GET4: variants seen among roughly 807,000 people sequenced by gnomAD.
GET4 encodes guided entry of tail-anchored proteins factor 4.
In GET4, 20 loss-of-function variants were observed where a neutral mutation model predicts 40.0. That is an observed-to-expected ratio of 0.50 (90% CI 0.35 to 0.73). GET4 has a LOEUF of 0.73. GET4 is among the 30% of genes least tolerant of loss of function. The pLI, the probability that GET4 is intolerant of heterozygous loss-of-function variation, is 0.01. For synonymous variants in GET4, 280 were observed against 194.6 expected, an observed-to-expected ratio of 1.44 and a Z score of -3.65; for missense variants, 557 against 454.0, an observed-to-expected ratio of 1.23 and a Z score of -2.06.
chr7:894,162 G>A (rs1253722438), intron 8 of GET4, among the ~76,000 whole-genome samples, 191 bp downstream of exon 8: 3 of 151,156 alleles, frequency 2.0e-5, no homozygotes, highest in Non-Finnish European at 2.9e-5. Context: ...ACGGTGGCTC[G>A]CAGCCCCGTC....
At chr7:884,816 C>T (rs1444947820) in intron 1 of GET4, 1 of 156,874 alleles carries the variant, frequency 6.4e-6, no homozygotes, top group African/African-American at 2.4e-5. Flanking sequence ...GATGGCGCCT[C>T]GCTCTGTCAT....
At chr7:884,325 G>T in intron 1 of GET4, 1 of 1,304,036 alleles carries the variant, frequency 7.7e-7, no homozygotes, top group Non-Finnish European at 1.0e-6. Flanking sequence ...TCATGTCCCT[G>T]CAGGACTGGA....
intron 1 of GET4, chr7:878,359 G>A: frequency 2.1e-6 from 1 of 471,110 alleles, no homozygotes; most frequent in South Asian, 1.5e-5. Flanking sequence ...ATGCATATCA[G>A]ATTATCTCTT....
At position 893,776 on chromosome 7, in the gene GET4, G is replaced by A. The variant is rs1442059238; in HGVS notation, c.783G>A (p.Gln261=). 1.2e-6 allele frequency: 2 copies of A among 1,611,234 alleles called. No individual in the cohort carries two copies. The highest frequency in any genetic ancestry group is 1.7e-6 in the Non-Finnish European group (2 of 1,178,250). ...CGGTGTTCACTGTGCTGTGTGAGCA[G>A]TACCAGCCATCCCTCCGGCGGGACC... The part of the protein sequence containing the change: ...KLTVFTVLCE[Q]YQPSLRRDPM... Residue 261 remains glutamine, a synonymous_variant, in exon 7 of 9, where the codon CAG becomes CAA. Coordinates refer to ENST00000265857, the MANE Select transcript of GET4 (RefSeq NM_015949.3).
At chr7:884,457 G>A (rs892391619) in intron 1 of GET4, 55 of 946,086 alleles carry the variant, frequency 5.8e-5, no homozygotes, top group African/African-American at 1.7e-4. Flanking sequence ...GCCTGCCAAC[G>A]GCCTGCAGGC....
At chr7:878,009 G>C (rs534113179) in intron 1 of GET4, 21 of 218,126 alleles carry the variant, frequency 9.6e-5, no homozygotes, top group Admixed American at 4.3e-4. Flanking sequence ...GCCCTACACC[G>C]GGCTCCGTAG....
rs776130668 is a variant in GET4, at chr7:893,935, C to G, written c.859C>G (p.Pro287Ala). Reference protein sequence around the residue: ...DRIGQLFFGVPPKQTSSYGGL... With the variant: ...DRIGQLFFGVAPKQTSSYGGL... ...CATAGGACAGCTGTTCTTCGGCGTCCCGCCCAAGCAGACGTCTTCCTACGG... is the reference window on the plus strand; with the variant it reads ...CATAGGACAGCTGTTCTTCGGCGTCGCGCCCAAGCAGACGTCTTCCTACGG... The change falls in exon 8 of 9, where the codon CCG becomes GCG. Residue 287 changes from proline (P) to alanine (A), a missense_variant. Coordinates refer to ENST00000265857, the MANE Select transcript of GET4 (RefSeq NM_015949.3). The G allele has an allele frequency of 5.0e-6, 8 of 1,607,832 alleles. No individual in the cohort carries two copies. Among genetic ancestry groups the G allele is most frequent in the African/African-American group, 1.3e-5 (1 of 74,934 alleles).
chr7:877,152 C>T (rs1413961761), intron 1 of GET4, among the ~76,000 whole-genome samples: 3 of 151,802 alleles, frequency 2.0e-5, no homozygotes, highest in South Asian at 2.1e-4. Flanking sequence ...CCGCCTCGTC[C>T]TTCGGTCTCT....
Position 876,815 on chromosome 7 carries a change from C to G in GET4, c.155+15C>G. 1.7e-6 allele frequency: 2 copies of G among 1,174,274 alleles called. No individual in the cohort carries two copies. The highest frequency in any genetic ancestry group is 2.1e-6 in the Non-Finnish European group (2 of 938,110). The allele number at this position is 1,174,274 out of a possible 1,614,324, so 72.7% of individuals were successfully genotyped here. On this transcript the variant is annotated intron_variant, in intron 1 of 8. Transcript: ENST00000265857. ...CTGTTCTTCAGGTACCCGCGCCCGG[C>G]CCTCGCCGCAGCCCAGCGCCCGCCC...
intron 1 of GET4, 97 bp downstream of exon 1, chr7:876,897 C>G (rs150362623): frequency 0.16 from 97,115 of 616,962 alleles, 8,406 homozygotes; most frequent in African/African-American, 0.18. Context: ...GGCCGCGCCG[C>G]TGCCCGTCGC....
At chr7:878,827 C>T (rs1378072938) in intron 1 of GET4, among the ~76,000 whole-genome samples, 1 of 152,238 alleles carries the variant, frequency 6.6e-6, no homozygotes, top group African/African-American at 2.4e-5. Context: ...GATCCGCCCA[C>T]CTCGGCCACC....
chr7:884,196 G>A (rs1457992134), intron 1 of GET4: 1 of 1,302,684 alleles, frequency 7.7e-7, no homozygotes, highest in Non-Finnish European at 1.0e-6. Flanking sequence ...CTTGCTCAGG[G>A]TCGGTGCATG....
At chr7:887,889 G>C (rs1460521644) in intron 4 of GET4, among the ~76,000 whole-genome samples, 1 of 152,182 alleles carries the variant, frequency 6.6e-6, no homozygotes, top group Non-Finnish European at 1.5e-5. Context: ...CTCATCTTCT[G>C]ATGAAGCCTT....
Position 887,238 on chromosome 7 carries a change from C to T in GET4, c.317-132C>T, listed in dbSNP as rs755299302. 7.7e-6 allele frequency: 7 copies of T among 910,332 alleles called. No homozygotes were observed. In the East Asian group the frequency reaches 1.7e-4, roughly 22 times the overall value. 56.4% of individuals were successfully genotyped at this position (910,332 alleles called of 1,614,324 possible). On this transcript the variant is annotated intron_variant, in intron 3 of 8. Coordinates refer to ENST00000265857, the MANE Select transcript of GET4 (RefSeq NM_015949.3). The stretch of plus-strand genomic sequence containing the variant: ...CAGCTCAGTGTGGTGGTCCACGGCT[C>T]ACTCAGGGACGCCCAGCAGGTTCCT...
intron 4 of GET4, among the ~76,000 whole-genome samples, chr7:888,212 G>C (rs1395027069): frequency 6.6e-6 from 1 of 152,212 alleles, no homozygotes; most frequent in Non-Finnish European, 1.5e-5. Flanking sequence ...GGAAGCTCTA[G>C]GAACTTGGAT....
At position 895,632 on chromosome 7, in the gene GET4, CT is replaced by C. The variant is rs1377297823; in HGVS notation, c.*211del. 4.7e-6 allele frequency: 2 copies of C among 427,146 alleles called. No individual in the cohort carries two copies. The highest frequency in any genetic ancestry group is 8.4e-6 in the Non-Finnish European group (2 of 237,498). The allele number at this position is 427,146 out of a possible 1,614,324, so 26.5% of individuals were successfully genotyped here. On this transcript the variant is annotated 3_prime_UTR_variant, in exon 9 of 9. Coordinates refer to ENST00000265857, the MANE Select transcript of GET4 (RefSeq NM_015949.3). ...GGGACCCAAGAGTGGGGCGTCGCCC[CT>C]GCTGGCCGCCGCGTCCCCCGAGATT...
intron 1 of GET4, among the ~76,000 whole-genome samples, chr7:879,138 A>T (rs1844033486): frequency 6.6e-6 from 1 of 152,190 alleles, no homozygotes; most frequent in South Asian, 2.1e-4. Flanking sequence ...TTTCCATAGC[A>T]AGTGGAATTG....
intron 3 of GET4, chr7:887,005 T>G (rs903994566): frequency 1.9e-6 from 1 of 517,518 alleles, no homozygotes; most frequent in African/African-American, 1.9e-5. Flanking sequence ...GGCAGAGCCC[T>G]TCTGTGAGCT....
chr7:883,611 C>T (rs1271541279), intron 1 of GET4: 4 of 985,358 alleles, frequency 4.1e-6, no homozygotes, highest in Non-Finnish European at 4.8e-6. Flanking sequence ...GAAGCCATTT[C>T]CCTATCTGGA....
Sources: allele counts gnomAD v4.1 joint callset (sites outside exome capture counted in the v4.1 genomes callset), GRCh38; gene constraint gnomAD v4.1.1; transcripts MANE v1.5; gene names NCBI Gene and HGNC (gene_info 2026-07-23, HGNC 2026-07-21).